The following XIAP variants were observed in gnomAD, a reference collection of about 807,000 sequenced individuals.
XIAP encodes X-linked inhibitor of apoptosis.
XIAP carries 3 observed loss-of-function variants against 33.1 expected under a neutral mutation model. The observed-to-expected ratio is 0.09, with a 90% CI of 0.04 to 0.23. The LOEUF (loss-of-function observed/expected upper bound fraction) is 0.23. Ranked by LOEUF, XIAP falls within the 10% of genes least tolerant of loss-of-function variation. The pLI is 1.00. For missense variants in XIAP, 264 were observed against 363.0 expected (o/e 0.73, Z 2.22); for synonymous variants, 98 against 121.3 (o/e 0.81, Z 1.26).
At chrX:123,899,144 A>AAAAAAATATATATATAT (rs1186271285) in intron 5 of XIAP, among the ~76,000 whole-genome samples, 1 of 50,184 alleles carries the variant, frequency 2.0e-5, no homozygotes, top group African/African-American at 8.4e-5. Flanking sequence ...AAAAAAAAAA[A>AAAAAAATATATATATAT]ATATATATAT....
intron 1 of XIAP, among the ~76,000 whole-genome samples, chrX:123,873,507 G>T (rs895565900): frequency 9.3e-6 from 1 of 107,242 alleles, no homozygotes; most frequent in African/African-American, 3.4e-5. Context: ...CCTGATGATC[G>T]CCAGGCACGG....
intron 4 of XIAP, 123 bp downstream of exon 4, chrX:123,891,439 AGTATT>A (rs1224806128): frequency 8.6e-6 from 3 of 348,302 alleles, no homozygotes; most frequent in Non-Finnish European, 1.5e-5. Flanking sequence ...TTCACAGTAT[AGTATT>A]ATAAATCAAT....
In XIAP at chrX:123,886,299, T is replaced by C. The variant is rs759856323; in HGVS notation, c.637T>C (p.Cys213Arg). 8.3e-7 allele frequency: 1 copy of C among 1,212,111 alleles called. No homozygotes were observed. The highest frequency in any genetic ancestry group is 1.1e-6 in the Non-Finnish European group (1 of 895,640). Residue 213 changes from cysteine (C) to arginine (R), a missense_variant, in exon 2 of 7, where the codon TGT becomes CGT. Transcript: ENST00000371199. ...CGGKLKNWEP[C>R]DRAWSEHRRH... ...TGGAAAACTGAAAAATTGGGAACCTTGTGATCGTGCCTGGTCAGAACACAG... is the reference window on the plus strand; with the variant it reads ...TGGAAAACTGAAAAATTGGGAACCTCGTGATCGTGCCTGGTCAGAACACAG...
intron 1 of XIAP, among the ~76,000 whole-genome samples, chrX:123,875,024 AT>A (rs369707216): frequency 0.024 from 2,005 of 83,409 alleles, 59 homozygotes; most frequent in African/African-American, 0.08. Flanking sequence ...TCAGGGATTT[AT>A]TTTTTTTTTT....
chrX:123,891,675 A>C (rs1432980079), intron 4 of XIAP, among the ~76,000 whole-genome samples: 2 of 109,829 alleles, frequency 1.8e-5, no homozygotes, highest in East Asian at 5.7e-4. Flanking sequence ...AAAACCAATT[A>C]GCCAGACTTG....
intron 1 of XIAP, among the ~76,000 whole-genome samples, chrX:123,861,326 C>T (rs2053077312): frequency 8.9e-6 from 1 of 111,846 alleles, no homozygotes; most frequent in Admixed American, 9.6e-5. Context: ...GTATTCAATT[C>T]AACACACATT....
chrX:123,894,597 C>T (rs1044841053), intron 5 of XIAP, among the ~76,000 whole-genome samples: 47 of 110,481 alleles, frequency 4.3e-4, no homozygotes, highest in African/African-American at 1.5e-3. Context: ...GGTGAAACTC[C>T]GTCTCTACTA....
At chrX:123,903,629 TTGTTTTGTTTTTTG>T (rs1309853375) in intron 6 of XIAP, among the ~76,000 whole-genome samples, 25 of 40,762 alleles carry the variant, frequency 6.1e-4, no homozygotes, top group South Asian at 4.8e-3. Context: ...GTTTTTTTTT[TTGTTTTGTTTTTTG>T]TTTTTTTTAG....
intron 1 of XIAP, among the ~76,000 whole-genome samples, chrX:123,867,570 C>T: frequency 9.2e-6 from 1 of 109,149 alleles, no homozygotes; most frequent in Non-Finnish European, 1.9e-5. Flanking sequence ...GGCATGGTTT[C>T]CCCATGTTGG....
chrX:123,873,432 C>A (rs901071495), intron 1 of XIAP, among the ~76,000 whole-genome samples: 4 of 109,920 alleles, frequency 3.6e-5, no homozygotes, highest in Non-Finnish European at 3.8e-5. Flanking sequence ...CCTTGACCTC[C>A]CAAAGTGCTG....
At chrX:123,859,863 C>T, upstream of XIAP, 2 of 248,307 alleles carry the variant, frequency 8.1e-6, no homozygotes, top group South Asian at 3.8e-5. Context: ...TGGCGGCGCC[C>T]GGAGCCGGCG....
At chrX:123,890,855 C>T (rs2053401280) in intron 3 of XIAP, among the ~76,000 whole-genome samples, 1 of 105,864 alleles carries the variant, frequency 9.4e-6, no homozygotes, top group South Asian at 4.4e-4. Context: ...GCAGGAGAAT[C>T]GCTTGAACCC....
intron 5 of XIAP, among the ~76,000 whole-genome samples, chrX:123,897,754 G>A (rs1443574124): frequency 1.8e-5 from 2 of 111,602 alleles, no homozygotes; most frequent in African/African-American, 6.5e-5. Flanking sequence ...GTAGAGACAG[G>A]GTTTCGCCAT....
Position 123,907,025 on chromosome X carries a change from G to A in XIAP, c.1338G>A (p.Glu446=). 8.3e-7 allele frequency: 1 copy of A among 1,211,683 alleles called. No homozygotes were observed. Among genetic ancestry groups the A allele is most frequent in the Non-Finnish European group, 1.1e-6 (1 of 895,434 alleles). Residue 446 remains glutamate (E), a synonymous_variant, in exon 7 of 7, where the codon GAG becomes GAA. Transcript: ENST00000371199. The part of the protein sequence containing the change: ...STEEQLRRLQ[E]EKLCKICMDR... The stretch of plus-strand genomic sequence containing the variant: ...AAGAGCAGCTAAGGCGCCTGCAAGA[G>A]GAGAAGCTTTGCAAAATCTGTATGG...
intron 5 of XIAP, among the ~76,000 whole-genome samples, chrX:123,897,723 C>T (rs7877488): frequency 2.0e-3 from 221 of 111,603 alleles, no homozygotes; most frequent in African/African-American, 6.8e-3. Flanking sequence ...CCACTGCGCC[C>T]GGCTAATTTT....
chrX:123,895,466 C>T (rs1398715404), intron 5 of XIAP, among the ~76,000 whole-genome samples: 1 of 108,378 alleles, frequency 9.2e-6, no homozygotes, highest in African/African-American at 3.3e-5. Flanking sequence ...GGCATATATC[C>T]AGGGATGGAA....
At chrX:123,867,920 C>T (rs1298930157) in intron 1 of XIAP, among the ~76,000 whole-genome samples, 1 of 111,414 alleles carries the variant, frequency 9.0e-6, no homozygotes, top group Non-Finnish European at 1.9e-5. Flanking sequence ...AGGTCATCCA[C>T]CTGCCTTGGC....
Position 123,911,549 on chromosome X carries a change from A to C in XIAP, c.*4368A>C, listed in dbSNP as rs1473877627. On this transcript the variant is annotated 3_prime_UTR_variant, in exon 7 of 7. Coordinates refer to ENST00000371199, the MANE Select transcript of XIAP (RefSeq NM_001167.4). ...AAATGTTAGCCAGGCGTGGTGGCAC[A>C]TGCCCATAGTCGCAGCTACTCTGGA... 3 of 318,173 alleles carry C rather than the reference A, an allele frequency of 9.4e-6. No individual in the cohort carries two copies. The highest frequency in any genetic ancestry group is 8.5e-5 in the South Asian group (3 of 35,383). The allele number at this position is 318,173 out of a possible 1,213,427, so 26.2% of individuals were successfully genotyped here.
chrX:123,873,725 G>A (rs926217586), intron 1 of XIAP: 1 of 107,487 alleles, frequency 9.3e-6, no homozygotes, highest in East Asian at 2.9e-4. Context: ...GAGGAGTTTC[G>A]AGCCCAGCCT....
Sources: gnomAD v4.1 joint callset for allele counts (sites outside exome capture counted in the v4.1 genomes callset) on GRCh38, gnomAD v4.1.1 for gene constraint, MANE v1.5 for transcripts, NCBI Gene and HGNC (gene_info 2026-07-23, HGNC 2026-07-21) for gene names.